AP3D1: variants seen among roughly 807,000 people sequenced by gnomAD.
The protein encoded by AP3D1 is adaptor related protein complex 3 subunit delta 1.
AP3D1 carries 51 observed loss-of-function variants against 147.6 expected under a neutral mutation model. That is an observed-to-expected ratio of 0.35 (90% CI 0.28 to 0.44). The LOEUF is 0.44. Among genes scored for constraint, AP3D1 ranks in the 20% least tolerant of loss-of-function variants. The pLI is 1.00. For missense variants in AP3D1, 1,421 were observed against 1,624.2 expected (o/e 0.87, Z 2.15); for synonymous variants, 760 against 663.0 (o/e 1.15, Z -2.25).
At chr19:2,120,538 C>T (rs1435469438) in intron 14 of AP3D1, among the ~76,000 whole-genome samples, 1 of 152,218 alleles carries the variant, frequency 6.6e-6, no homozygotes, top group African/African-American at 2.4e-5. Flanking sequence ...CTTGCAGATG[C>T]CCAGGGCCAG....
Position 2,105,336 on chromosome 19 carries a change from G to A in AP3D1, c.3553-3068C>T, listed in dbSNP as rs1035813688. The stretch of plus-strand genomic sequence containing the variant: ...CATAATGGCCCTAACGCCCACGCTG[G>A]AAGGTTGTGGGTTGATGGGAATGAG... On this transcript the variant is annotated intron_variant, in intron 31 of 31. Coordinates refer to ENST00000643116, the MANE Select transcript of AP3D1 (RefSeq NM_001261826.3). Among the ~76,000 whole-genome samples, 10 of 152,234 alleles carry A rather than the reference G, an allele frequency of 6.6e-5. 1 individual carries two copies. Among genetic ancestry groups the A allele is most frequent in the Admixed American group, 3.3e-4 (5 of 15,284 alleles).
At chr19:2,143,273 C>T (rs1295366459) in intron 1 of AP3D1, among the ~76,000 whole-genome samples, 1 of 116,138 alleles carries the variant, frequency 8.6e-6, no homozygotes, top group Non-Finnish European at 1.6e-5. Flanking sequence ...CAGAGTCCTG[C>T]TCTGTCGCCC....
chr19:2,111,520 G>A, intron 25 of AP3D1, 159 bp downstream of exon 25: 10 of 1,225,708 alleles, frequency 8.2e-6, no homozygotes, highest in Non-Finnish European at 1.1e-5. Flanking sequence ...GGTGCCTAAT[G>A]TGGGGCTGCG....
chr19:2,121,808 C>T lies in AP3D1; in HGVS notation c.1027G>A (p.Asp343Asn). ...TCGTCCAGGCACTGCAGGATGAGGT[C>T]CTTGTGGGACTGCACGGACTTGGGG... is the stretch of plus-strand genomic sequence containing the variant. ...THPKSVQSHK[D>N]LILQCLDDKD... is the part of the protein sequence containing the mutation. Residue 343 changes from aspartate to asparagine, a missense_variant, in exon 12 of 32, where the codon GAC becomes AAC. Transcript: ENST00000643116. 1 of 1,613,204 alleles carries T rather than the reference C, an allele frequency of 6.2e-7. No individual in the cohort carries two copies.
chr19:2,159,451 C>G (rs558278244), intron 1 of AP3D1, among the ~76,000 whole-genome samples: 1 of 151,490 alleles, frequency 6.6e-6, no homozygotes, highest in East Asian at 1.9e-4. Context: ...TGCGGTGGCG[C>G]GATCTCAGCT....
At chr19:2,158,601 C>G (rs116167578) in intron 1 of AP3D1, among the ~76,000 whole-genome samples, 6,004 of 151,808 alleles carry the variant, frequency 0.04, 389 homozygotes, top group African/African-American at 0.14. Context: ...AGCCACCGAT[C>G]CCAGCTCTTT....
At position 2,115,507 on chromosome 19, in the gene AP3D1, A is replaced by G. The variant is rs1381001679; in HGVS notation, c.2149+31T>C. ...GGAGCACCCCACAGCCCATGTGACA[A>G]ATGCGGCGCCGACACACCGGAGACA... On this transcript the variant is annotated intron_variant, in intron 19 of 31. Coordinates refer to ENST00000643116, the MANE Select transcript of AP3D1 (RefSeq NM_001261826.3). 3 of 1,611,262 alleles carry G rather than the reference A, an allele frequency of 1.9e-6. No homozygotes were observed. In the East Asian group the frequency reaches 6.7e-5, roughly 36 times the overall value.
chr19:2,116,828 C>T (rs1049215079), intron 16 of AP3D1, 82 bp from the exon 17 acceptor site: 8 of 1,464,150 alleles, frequency 5.5e-6, no homozygotes, highest in East Asian at 2.4e-5. Context: ...AGGCTCACCA[C>T]GTGCCTGGCC....
rs750033769 is a variant in AP3D1 at position 2,130,430 on chromosome 19, C to T, written c.570G>A (p.Glu190=). The stretch of plus-strand genomic sequence containing the variant: ...AACCGGGGTCGGGGTCCTCCAGCTT[C>T]TCCTTCAGCCGGGGAAAGGCAGGGC... ...SLRPAFPRLK[E]KLEDPDPGVQ... Residue 190 remains glutamate (E), a synonymous_variant, in exon 6 of 32, where the codon GAG becomes GAA. Coordinates refer to ENST00000643116, the MANE Select transcript of AP3D1 (RefSeq NM_001261826.3). 17 of 1,614,050 alleles carry T rather than the reference C, an allele frequency of 1.1e-5. No individual in the cohort carries two copies. The highest frequency in any genetic ancestry group is 1.7e-5 in the Admixed American group (1 of 60,032).
chr19:2,115,914 T>C (rs2018434251), intron 18 of AP3D1, among the ~76,000 whole-genome samples: 1 of 152,244 alleles, frequency 6.6e-6, no homozygotes, highest in Admixed American at 6.5e-5. Context: ...ATGAGAAAAG[T>C]AATGCGGCCT....
At chr19:2,121,636 A>AG (rs2145070632) in intron 12 of AP3D1, 98 bp downstream of exon 12, 1 of 1,447,278 alleles carries the variant, frequency 6.9e-7, no homozygotes, top group East Asian at 2.4e-5. Flanking sequence ...GCCGAGTGTG[A>AG]GGGGACTCCA....
intron 31 of AP3D1, 135 bp from the exon 32 acceptor site, chr19:2,102,403 G>C (rs2017979745): frequency 1.5e-6 from 1 of 684,980 alleles, no homozygotes; most frequent in South Asian, 1.7e-5. Flanking sequence ...AAACCAGCCT[G>C]GTCAACACGG....
At chr19:2,158,062 T>C (rs540979272) in intron 1 of AP3D1, among the ~76,000 whole-genome samples, 6 of 152,178 alleles carry the variant, frequency 3.9e-5, no homozygotes, top group African/African-American at 1.4e-4. Context: ...AGAATTTTGT[T>C]TGTTTGTTTT....
chr19:2,159,906 C>A (rs146440760), intron 1 of AP3D1, among the ~76,000 whole-genome samples: 1 of 151,950 alleles, frequency 6.6e-6, no homozygotes, highest in Non-Finnish European at 1.5e-5. Context: ...TTAGTAGAGA[C>A]GGGGTTTCAC....
Position 2,102,081 on chromosome 19 carries a change from C to T in AP3D1, c.*92G>A. On this transcript the variant is annotated 3_prime_UTR_variant, in exon 32 of 32. Transcript: ENST00000643116. The stretch of plus-strand genomic sequence containing the variant: ...TTAAATTAACACTCAGGCTTGGGTA[C>T]AGTACACACGACTGAGGAGAGGCGA... 1 of 957,246 alleles carries T rather than the reference C, an allele frequency of 1.0e-6. No individual in the cohort carries two copies. The highest frequency in any genetic ancestry group is 2.4e-5 in the East Asian group (1 of 41,260). The allele number at this position is 957,246 out of a possible 1,614,324, so 59.3% of individuals were successfully genotyped here.
chr19:2,122,206 TCCAG>T (rs2018630980), intron 11 of AP3D1, among the ~76,000 whole-genome samples: 1 of 129,970 alleles, frequency 7.7e-6, no homozygotes, highest in Admixed American at 7.2e-5. Flanking sequence ...GAGAAGACTT[TCCAG>T]CAGCAGCAGC....
intron 4 of AP3D1, 117 bp downstream of exon 4, chr19:2,136,894 G>A (rs558182793): frequency 6.0e-5 from 57 of 948,502 alleles, no homozygotes; most frequent in African/African-American, 2.1e-4. Context: ...AGCCCCGCTC[G>A]CACTCAAGGG....
intron 2 of AP3D1, among the ~76,000 whole-genome samples, chr19:2,138,290 A>G (rs1347131396): frequency 6.6e-6 from 1 of 152,146 alleles, no homozygotes; most frequent in Non-Finnish European, 1.5e-5. Context: ...AGCTCTCCCC[A>G]CTAGGTGTCC....
In AP3D1 at chr19:2,115,584, G is replaced by A; in HGVS notation, c.2103C>T (p.His701=). Residue 701 remains histidine, a synonymous_variant, in exon 19 of 32, where the codon CAC becomes CAT. Coordinates refer to ENST00000643116, the MANE Select transcript of AP3D1 (RefSeq NM_001261826.3). The stretch of plus-strand genomic sequence containing the variant: ...AGAGGTCAATCTGCACCACGGGAAT[G>A]TGCTCCACGCCCGGGGTGTCCTGGT... ...KRYQDTPGVE[H]IPVVQIDLSV... The A allele has an allele frequency of 6.2e-7, 1 of 1,613,164 alleles. No homozygotes were observed. The highest frequency in any genetic ancestry group is 1.7e-5 in the Admixed American group (1 of 60,012).
Sources: gnomAD v4.1 joint callset for allele counts (sites outside exome capture counted in the v4.1 genomes callset) on GRCh38, gnomAD v4.1.1 for gene constraint, MANE v1.5 for transcripts, NCBI Gene and HGNC (gene_info 2026-07-23, HGNC 2026-07-21) for gene names.